Variants in NELFA observed in about 807,000 individuals in gnomAD.
The protein encoded by NELFA is negative elongation factor A.
A neutral mutation model predicts 51.8 loss-of-function variants in NELFA; 35 were observed. That is an observed-to-expected ratio of 0.68 (90% CI 0.52 to 0.90). The LOEUF is 0.90. Among genes scored for constraint, NELFA ranks in the 40% least tolerant of loss-of-function variants. The pLI is 0.00. For missense variants in NELFA, 658 were observed against 746.4 expected (o/e 0.88, Z 1.38); for synonymous variants, 417 against 338.4 (o/e 1.23, Z -2.55).
intron 1 of NELFA, among the ~76,000 whole-genome samples, chr4:1,996,719 G>C (rs1728432596): frequency 6.6e-6 from 1 of 152,204 alleles, no homozygotes; most frequent in Admixed American, 6.5e-5. Flanking sequence ...ATCACTTGAG[G>C]TCAGGAGCTT....
chr4:2,000,426 C>G (rs1728539620), intron 1 of NELFA, among the ~76,000 whole-genome samples: 1 of 151,846 alleles, frequency 6.6e-6, no homozygotes, highest in Non-Finnish European at 1.5e-5. Flanking sequence ...AGAGAAGAAT[C>G]AAATAGACAC....
In NELFA at chr4:1,983,155, A is replaced by AC. The variant is rs1188616464; in HGVS notation, c.*163dup. ...AAAATTTTAAAAATAAGCCCCAAATACCCCAGAGAAATGCATCCAGAACTT... is the reference window on the plus strand; with the variant it reads ...AAAATTTTAAAAATAAGCCCCAAATACCCCCAGAGAAATGCATCCAGAACTT... On this transcript the variant is annotated 3_prime_UTR_variant, in exon 11 of 11. Transcript: ENST00000382882. 8.9e-6 allele frequency: 5 copies of AC among 564,222 alleles called. No individual in the cohort carries two copies. Among genetic ancestry groups the AC allele is most frequent in the African/African-American group, 7.6e-5 (4 of 52,408 alleles). 35.0% of individuals were successfully genotyped at this position (564,222 alleles called of 1,614,324 possible). A position where few individuals can be genotyped will look rare whatever the true frequency, so the allele number is the denominator to read the frequency against.
In NELFA at chr4:1,986,118, A is replaced by G. The variant is rs1284628645; in HGVS notation, c.831T>C (p.Thr277=). Residue 277 remains threonine (T), a synonymous_variant, in exon 6 of 11, where the codon ACT becomes ACC. Coordinates refer to ENST00000382882, the MANE Select transcript of NELFA (RefSeq NM_005663.5). ...CACGCAGGCCCCAACCCCCACCGAG[A>G]GTCTTCCTTCTCCGCTTCGCCTCTC... The part of the protein sequence containing the change: ...AGREAKRRRK[T]LDAEVVEKPA... 4 of 1,551,712 alleles carry G rather than the reference A, an allele frequency of 2.6e-6. No individual in the cohort carries two copies. In the East Asian group the frequency reaches 9.8e-5, roughly 38 times the overall value.
At chr4:2,002,156 C>G (rs182016033) in intron 1 of NELFA, among the ~76,000 whole-genome samples, 1 of 146,716 alleles carries the variant, frequency 6.8e-6, no homozygotes, top group Non-Finnish European at 1.5e-5. Context: ...GCCAAGATCG[C>G]GCCACTGCAC....
Position 1,984,057 on chromosome 4 carries a change from T to G in NELFA, c.1093A>C (p.Thr365Pro). ...PPEEPSAPSP[T>P]LPAQFKQRAP... ...CGCTGCTTGAACTGCGCTGGCAACG[T>G]GGGGCTCGGGGCGCTGGGCTCCTCT... The change falls in exon 9 of 11, where the codon ACG (threonine) becomes CCG (proline). Residue 365 changes from threonine to proline, a missense_variant. Physicochemically the swap from Thr to Pro is conservative, Grantham distance 38. This residue lies in a region of NELFA where 200 missense variants were observed against 167.9 expected (regional missense o/e 1.19). Transcript: ENST00000382882. The G allele has an allele frequency of 6.2e-7, 1 of 1,602,094 alleles. No homozygotes were observed. The highest frequency in any genetic ancestry group is 8.5e-7 in the Non-Finnish European group (1 of 1,177,766).
chr4:1,988,098 C>T (rs773727104), intron 3 of NELFA, 91 bp from the exon 4 acceptor site: 35 of 1,112,182 alleles, frequency 3.1e-5, no homozygotes, highest in South Asian at 2.1e-4. Flanking sequence ...ATTCATCCGA[C>T]GGCCTGAGCC....
At chr4:2,008,199 C>A (rs1577634520) in intron 1 of NELFA, among the ~76,000 whole-genome samples, 2 of 152,200 alleles carry the variant, frequency 1.3e-5, no homozygotes, top group African/African-American at 4.8e-5. Context: ...CGATGGGAGA[C>A]CCCGCTGGGG....
In NELFA at chr4:2,001,267, A is replaced by G. The variant is rs151129006; in HGVS notation, c.210+7483T>C. Among the ~76,000 whole-genome samples the G allele has an allele frequency of 9.4e-4, 143 of 152,346 alleles. 1 individual carries two copies. The highest frequency in any genetic ancestry group is 3.1e-3 in the African/African-American group (128 of 41,584). On this transcript the variant is annotated intron_variant, in intron 1 of 10. Coordinates refer to ENST00000382882, the MANE Select transcript of NELFA (RefSeq NM_005663.5). ...AAGGATGTCCTCTCTCACCACTCCT[A>G]TTCAACATAGTATTGGAAGTTCTGG...
chr4:1,990,217 G>A (rs924570148), intron 2 of NELFA, among the ~76,000 whole-genome samples: 4 of 152,002 alleles, frequency 2.6e-5, no homozygotes, highest in South Asian at 4.2e-4. Context: ...CCACCCCCAC[G>A]TAAGAAGGAC....
rs576471568 is a variant in NELFA at position 1,990,032 on chromosome 4, G to A, written c.383-163C>T. 2.6e-5 allele frequency: 19 copies of A among 718,750 alleles called. No individual in the cohort carries two copies. In the East Asian group the frequency reaches 3.8e-4, roughly 14 times the overall value. The allele number at this position is 718,750 out of a possible 1,614,324, so 44.5% of individuals were successfully genotyped here. ...TCGAGACTGACTCCCCACGGCTCCA[G>A]CAGAACACCCAGGAGCATTTGCAGA... On this transcript the variant is annotated intron_variant, in intron 2 of 10. Coordinates refer to ENST00000382882, the MANE Select transcript of NELFA (RefSeq NM_005663.5).
At chr4:1,986,959 C>T (rs1728123389) in intron 4 of NELFA, among the ~76,000 whole-genome samples, 1 of 152,110 alleles carries the variant, frequency 6.6e-6, no homozygotes, top group African/African-American at 2.4e-5. Flanking sequence ...CTCCCTGGGC[C>T]AGCAGGTGCA....
intron 1 of NELFA, chr4:2,003,753 A>G (rs1577630465): frequency 6.6e-6 from 1 of 151,998 alleles, no homozygotes; most frequent in African/African-American, 2.4e-5. Flanking sequence ...GAGGGGAGGG[A>G]ACTTAAAGGA....
intron 1 of NELFA, among the ~76,000 whole-genome samples, chr4:1,994,697 T>C (rs1313480133): frequency 4.6e-5 from 7 of 150,856 alleles, no homozygotes; most frequent in African/African-American, 1.5e-4. Context: ...CTACTAAAAA[T>C]ACAAAAAATT....
intron 1 of NELFA, chr4:1,992,525 TCA>T (rs1225570609): frequency 1.2e-5 from 5 of 409,684 alleles, no homozygotes; most frequent in African/African-American, 8.4e-5. Flanking sequence ...ACTGGGCTGC[TCA>T]CAGTGTGAGA....
At chr4:2,008,057 T>C in intron 1 of NELFA, 1 of 456,280 alleles carries the variant, frequency 2.2e-6, no homozygotes, top group Non-Finnish European at 4.4e-6. Context: ...CTTTGCGAGG[T>C]GAGAACAAGA....
At position 1,984,002 on chromosome 4, in the gene NELFA, G is replaced by C; in HGVS notation, c.1148C>G (p.Pro383Arg). ...RAPMYNSGLS[P>R]ATPTPAAPTS... ...GGGCGCCGCAGGCGTGGGTGTGGCA[G>C]GGCTCAGGCCGCTGTTGTACATGGG... The change falls in exon 9 of 11, where the codon CCT (proline) becomes CGT (arginine). Residue 383 changes from proline (P) to arginine (R), a missense_variant. Pro to Arg is a moderately radical substitution (Grantham distance 103). Coordinates refer to ENST00000382882, the MANE Select transcript of NELFA (RefSeq NM_005663.5). 5 of 1,609,400 alleles carry C rather than the reference G, an allele frequency of 3.1e-6. No homozygotes were observed. The highest frequency in any genetic ancestry group is 4.2e-6 in the Non-Finnish European group (5 of 1,179,632).
chr4:1,989,083 T>C lies in NELFA; in HGVS notation c.544+625A>G, dbSNP rs2109058005. On this transcript the variant is annotated intron_variant, in intron 3 of 10. Transcript: ENST00000382882. The surrounding 1 kb of genome is among the most constrained non-coding windows in gnomAD (Gnocchi z 4.8). Reference sequence around the variant, plus strand: ...GCCTCAGCCTCCCAAGCAACTGGGATTACAGGCATGCACCACCACAGCCAG... The same window carrying C: ...GCCTCAGCCTCCCAAGCAACTGGGACTACAGGCATGCACCACCACAGCCAG... 1.3e-5 allele frequency among the ~76,000 whole-genome samples: 2 copies of C among 151,872 alleles called. 1 individual carries two copies. Among genetic ancestry groups the C allele is most frequent in the South Asian group, 4.2e-4 (2 of 4,808 alleles).
At chr4:2,008,672 G>A (rs1728780407) in intron 1 of NELFA, 78 bp downstream of exon 1, 1 of 1,506,960 alleles carries the variant, frequency 6.6e-7, no homozygotes, top group Non-Finnish European at 9.0e-7. Context: ...GGAGCGAGGA[G>A]GGTCCGGAGT....
At chr4:1,994,562 C>CAA (rs561811060) in intron 1 of NELFA, among the ~76,000 whole-genome samples, 3 of 125,142 alleles carry the variant, frequency 2.4e-5, no homozygotes, top group East Asian at 4.6e-4. Context: ...AAGAGTCTGT[C>CAA]AAAAAAAAAA....
Sources: allele counts gnomAD v4.1 joint callset (sites outside exome capture counted in the v4.1 genomes callset), GRCh38; gene constraint gnomAD v4.1.1; regional missense constraint gnomAD v4.1.1; non-coding constraint Gnocchi (gnomAD v3.1); transcripts MANE v1.5; gene names NCBI Gene and HGNC (gene_info 2026-07-23, HGNC 2026-07-21).